The following CACNA2D1 variants were observed in gnomAD, a reference collection of about 807,000 sequenced individuals.
The protein encoded by CACNA2D1 is voltage-dependent calcium channel subunit alpha-2/delta-1.
CACNA2D1 carries 53 observed loss-of-function variants against 171.5 expected under a neutral mutation model. The ratio of observed to expected loss-of-function variants is 0.31; its 90% CI spans 0.25 to 0.39. The LOEUF (loss-of-function observed/expected upper bound fraction) is 0.39. CACNA2D1 is among the 10% of genes least tolerant of loss of function. The pLI is 1.00. For missense variants in CACNA2D1, 903 were observed against 1,299.8 expected, an observed-to-expected ratio of 0.69 and a Z score of 4.69; for synonymous variants, 442 against 443.1, an observed-to-expected ratio of 1.00 and a Z score of 0.03.
At chr7:82,205,951 G>A (rs896046727) in intron 3 of CACNA2D1, among the ~76,000 whole-genome samples, 1 of 151,880 alleles carries the variant, frequency 6.6e-6, no homozygotes, top group Non-Finnish European at 1.5e-5. Context: ...TGTTAAAAAT[G>A]TTTTGTTAAC....
At chr7:82,390,682 G>A (rs989401058) in intron 1 of CACNA2D1, among the ~76,000 whole-genome samples, 2 of 152,162 alleles carry the variant, frequency 1.3e-5, no homozygotes, top group East Asian at 3.9e-4. Context: ...CTATTCAAAC[G>A]ACTCATGTGA....
chr7:82,173,533 G>A (rs1362919134), intron 3 of CACNA2D1, among the ~76,000 whole-genome samples: 2 of 151,958 alleles, frequency 1.3e-5, no homozygotes, highest in Non-Finnish European at 2.9e-5. Context: ...CAAATTTCAT[G>A]ACAAAGCATA....
chr7:82,297,226 A>G, intron 3 of CACNA2D1, among the ~76,000 whole-genome samples: 1 of 151,744 alleles, frequency 6.6e-6, no homozygotes. Flanking sequence ...CTCCAGCCTG[A>G]GCAACAGAGA....
At chr7:82,346,371 G>GATTGT (rs1474377598) in intron 2 of CACNA2D1, among the ~76,000 whole-genome samples, 8 of 152,130 alleles carry the variant, frequency 5.3e-5, no homozygotes, top group Non-Finnish European at 1.2e-4. Context: ...ATTTTATACA[G>GATTGT]ATTGTATCGT....
At chr7:82,151,472 T>C (rs897019866) in intron 4 of CACNA2D1, among the ~76,000 whole-genome samples, 5 of 152,152 alleles carry the variant, frequency 3.3e-5, no homozygotes, top group Non-Finnish European at 5.9e-5. Context: ...AACAAATCAA[T>C]CTATCCTAAG....
intron 3 of CACNA2D1, among the ~76,000 whole-genome samples, chr7:82,277,110 A>G (rs1454011355): frequency 6.6e-6 from 1 of 152,148 alleles, no homozygotes; most frequent in Non-Finnish European, 1.5e-5. Flanking sequence ...AAACGCTAGC[A>G]GCTAAAACAC....
chr7:82,371,502 T>C (rs1293645293), intron 1 of CACNA2D1, among the ~76,000 whole-genome samples: 2 of 152,228 alleles, frequency 1.3e-5, no homozygotes, highest in African/African-American at 4.8e-5. Flanking sequence ...CACTACAAAG[T>C]CTAAAATGCT....
chr7:82,260,847 T>G (rs568028660), intron 3 of CACNA2D1, among the ~76,000 whole-genome samples: 113 of 152,326 alleles, frequency 7.4e-4, no homozygotes, highest in African/African-American at 2.7e-3. Context: ...CTTAAATGGT[T>G]TTCTAAATGT....
rs557300433 is a variant in CACNA2D1, at chr7:82,154,610, T to A, written c.354+15940A>T. 5.9e-5 allele frequency among the ~76,000 whole-genome samples: 9 copies of A among 152,170 alleles called. No individual in the cohort carries two copies. The South Asian group carries it at 1.9e-3, about 32-fold the overall frequency. On this transcript the variant is annotated intron_variant, in intron 4 of 38. Transcript: ENST00000356860. The stretch of plus-strand genomic sequence containing the variant: ...TTGAGCTTAAATTTAAAAAAAGATA[T>A]GGTATGCACACAAAAAATACATGCT...
At chr7:82,122,497 A>G (rs1054078288) in intron 5 of CACNA2D1, among the ~76,000 whole-genome samples, 2 of 152,224 alleles carry the variant, frequency 1.3e-5, no homozygotes, top group African/African-American at 4.8e-5. Context: ...AAGGCGAGCC[A>G]TTAGCAATAC....
At position 81,947,618 on chromosome 7, in the gene CACNA2D1, C is replaced by T. The variant is rs1432381777; in HGVS notation, c.*2774G>A. ...TGTTTTAGTGACTAACTACACTAAG[C>T]CACATGAGTATAACAAAAATTAGTT... On this transcript the variant is annotated 3_prime_UTR_variant, in exon 39 of 39. Transcript: ENST00000356860. 1 of 151,930 alleles carries T rather than the reference C, an allele frequency of 6.6e-6. No homozygotes were observed. The highest frequency in any genetic ancestry group is 1.5e-5 in the Non-Finnish European group (1 of 67,866). The allele number at this position is 151,930 out of a possible 1,614,324, so 9.4% of individuals were successfully genotyped here.
At chr7:82,380,088 A>G (rs931688477) in intron 1 of CACNA2D1, among the ~76,000 whole-genome samples, 4 of 152,180 alleles carry the variant, frequency 2.6e-5, no homozygotes, top group Non-Finnish European at 2.9e-5. Context: ...CAAGTTTATT[A>G]CATTTACATT....
intron 15 of CACNA2D1, among the ~76,000 whole-genome samples, chr7:82,008,418 T>C (rs1457976017): frequency 3.3e-5 from 5 of 152,106 alleles, no homozygotes; most frequent in African/African-American, 1.2e-4. Flanking sequence ...AAAAGTCTAG[T>C]CTGAAGAGTT....
chr7:82,443,511 G>C lies in CACNA2D1; in HGVS notation c.-52C>G. On this transcript the variant is annotated 5_prime_UTR_variant, in exon 1 of 39. Coordinates refer to ENST00000356860, the MANE Select transcript of CACNA2D1 (RefSeq NM_000722.4). ...TCCCTGCCCAAGCGGGGGAAGGAGCGGCGCTGGAAACCGCGGGCGGAGGAA... is the reference window on the plus strand; with the variant it reads ...TCCCTGCCCAAGCGGGGGAAGGAGCCGCGCTGGAAACCGCGGGCGGAGGAA... 8 of 1,588,326 alleles carry C rather than the reference G, an allele frequency of 5.0e-6. No homozygotes were observed. The highest frequency in any genetic ancestry group is 6.8e-6 in the Non-Finnish European group (8 of 1,167,926).
At chr7:82,399,819 A>AC (rs1265973274) in intron 1 of CACNA2D1, among the ~76,000 whole-genome samples, 2 of 151,672 alleles carry the variant, frequency 1.3e-5, no homozygotes, top group East Asian at 3.9e-4. Context: ...ACTGACCCCT[A>AC]CCTTCACTAC....
chr7:82,188,922 A>AAACCAAAT (rs1259380778), intron 3 of CACNA2D1, among the ~76,000 whole-genome samples: 3 of 152,112 alleles, frequency 2.0e-5, no homozygotes, highest in Non-Finnish European at 4.4e-5. Flanking sequence ...CAAGAACAGA[A>AAACCAAAT]AACCAAATAC....
chr7:82,202,509 C>G (rs1004768566), intron 3 of CACNA2D1, among the ~76,000 whole-genome samples: 20 of 152,114 alleles, frequency 1.3e-4, no homozygotes, highest in African/African-American at 4.6e-4. Flanking sequence ...AGATGGGTCC[C>G]CCGTGAGGAT....
Position 82,163,339 on chromosome 7 carries a change from A to G in CACNA2D1, c.354+7211T>C, listed in dbSNP as rs184534195. Among the ~76,000 whole-genome samples, 107 of 152,190 alleles carry G rather than the reference A, an allele frequency of 7.0e-4. 2 individuals carry two copies. The East Asian group carries it at 0.019, about 27-fold the overall frequency. On this transcript the variant is annotated intron_variant, in intron 4 of 38. Coordinates refer to ENST00000356860, the MANE Select transcript of CACNA2D1 (RefSeq NM_000722.4). Reference sequence around the variant, plus strand: ...TGGAGACATGAAAGTATATAGCAATAGGTCCCCTCTAGGCTAAACCTGAAT... The same window carrying G: ...TGGAGACATGAAAGTATATAGCAATGGGTCCCCTCTAGGCTAAACCTGAAT...
intron 1 of CACNA2D1, among the ~76,000 whole-genome samples, chr7:82,415,595 T>G (rs901092936): frequency 1.3e-5 from 2 of 152,090 alleles, no homozygotes; most frequent in African/African-American, 4.8e-5. Flanking sequence ...CAACATTGCA[T>G]GTATTCTCGC....
Sources: gnomAD v4.1 joint callset for allele counts (sites outside exome capture counted in the v4.1 genomes callset) on GRCh38, gnomAD v4.1.1 for gene constraint, MANE v1.5 for transcripts, NCBI Gene and HGNC (gene_info 2026-07-23, HGNC 2026-07-21) for gene names.